The following IFT43 variants were observed in gnomAD, a reference collection of about 807,000 sequenced individuals.
The protein encoded by IFT43 is intraflagellar transport protein 43 homolog.
IFT43 carries 33 observed loss-of-function variants against 32.3 expected under a neutral mutation model. The ratio of observed to expected loss-of-function variants is 1.02; its 90% CI spans 0.77 to 1.37. The LOEUF (loss-of-function observed/expected upper bound fraction) is 1.37, where lower values mean the gene tolerates loss of function less well. Ranked by LOEUF, IFT43 falls within the 40% of genes most tolerant of loss-of-function variation. IFT43 has a pLI of 0.00. For synonymous variants in IFT43, 93 were observed against 98.2 expected, an observed-to-expected ratio of 0.95 and a Z score of 0.31; for missense variants, 274 against 265.9, an observed-to-expected ratio of 1.03 and a Z score of -0.21.
chr14:76,018,437 A>G (rs2036229868), intron 2 of IFT43, among the ~76,000 whole-genome samples: 1 of 152,074 alleles, frequency 6.6e-6, no homozygotes, highest in African/African-American at 2.4e-5. Context: ...TGGTTTTTAA[A>G]AATTTCTTGA....
At chr14:76,008,089 C>T (rs1231509706) in intron 2 of IFT43, among the ~76,000 whole-genome samples, 2 of 152,098 alleles carry the variant, frequency 1.3e-5, no homozygotes, top group Non-Finnish European at 2.9e-5. Context: ...TTGGGAAGTG[C>T]GACACCAGTA....
At chr14:75,996,754 C>T (rs1338878069) in intron 2 of IFT43, among the ~76,000 whole-genome samples, 1 of 152,176 alleles carries the variant, frequency 6.6e-6, no homozygotes, top group Non-Finnish European at 1.5e-5. Flanking sequence ...TAATTGCTGA[C>T]TTATATCATT....
chr14:75,990,366 A>G (rs1282946603), intron 2 of IFT43, among the ~76,000 whole-genome samples: 1 of 152,236 alleles, frequency 6.6e-6, no homozygotes, highest in Admixed American at 6.5e-5. Context: ...AAGGATTGTC[A>G]GTTTGTAACT....
intron 2 of IFT43, among the ~76,000 whole-genome samples, chr14:75,997,094 T>C (rs1276953012): frequency 6.6e-6 from 1 of 152,080 alleles, no homozygotes; most frequent in African/African-American, 2.4e-5. Flanking sequence ...CTGAGAGACT[T>C]GAAGGATGAG....
Position 76,083,441 on chromosome 14 carries a change from G to A in IFT43, c.508-17G>A, listed in dbSNP as rs144601537. On this transcript the variant is annotated splice_polypyrimidine_tract_variant and intron_variant, in intron 8 of 8. Coordinates refer to ENST00000314067, the MANE Select transcript of IFT43 (RefSeq NM_001102564.3). ...AAGGCCTTTCTTTGTCTTACCCAGC[G>A]AAACCCTTCTTGGCAGGATGATGTC... 679 of 1,614,112 alleles carry A rather than the reference G, an allele frequency of 4.2e-4. No homozygotes were observed. The highest frequency in any genetic ancestry group is 5.2e-4 in the Non-Finnish European group (618 of 1,180,036).
chr14:76,073,566 A>C (rs886717798), intron 5 of IFT43, among the ~76,000 whole-genome samples: 1 of 152,116 alleles, frequency 6.6e-6, no homozygotes, highest in Non-Finnish European at 1.5e-5. Flanking sequence ...CTGAACATTC[A>C]GAGATGTCCG....
chr14:76,016,649 A>G (rs966996652), intron 2 of IFT43, among the ~76,000 whole-genome samples: 9 of 152,136 alleles, frequency 5.9e-5, no homozygotes, highest in African/African-American at 2.2e-4. Flanking sequence ...TTTGGGTAGT[A>G]CAGTCATTCT....
At chr14:75,989,679 G>A (rs2035598798) in intron 2 of IFT43, among the ~76,000 whole-genome samples, 1 of 152,086 alleles carries the variant, frequency 6.6e-6, no homozygotes, top group Non-Finnish European at 1.5e-5. Context: ...TACCTATTGT[G>A]AACATATGCC....
intron 3 of IFT43, among the ~76,000 whole-genome samples, chr14:76,049,538 A>T (rs1361111060): frequency 6.6e-6 from 1 of 152,162 alleles, no homozygotes; most frequent in Non-Finnish European, 1.5e-5. Flanking sequence ...TTTTAAAAAA[A>T]ATGTATTAAA....
intron 3 of IFT43, among the ~76,000 whole-genome samples, chr14:76,047,544 C>G (rs919527411): frequency 2.6e-5 from 4 of 152,128 alleles, no homozygotes; most frequent in African/African-American, 9.7e-5. Context: ...AAAGTTGTAG[C>G]AGGTCTGACA....
At chr14:75,997,130 G>A (rs1183189792) in intron 2 of IFT43, among the ~76,000 whole-genome samples, 2 of 152,184 alleles carry the variant, frequency 1.3e-5, no homozygotes, top group African/African-American at 4.8e-5. Flanking sequence ...AGAAGAGGGG[G>A]AAGAATATTC....
chr14:76,034,830 A>G (rs918094754), intron 3 of IFT43, among the ~76,000 whole-genome samples: 3 of 152,236 alleles, frequency 2.0e-5, no homozygotes, highest in Non-Finnish European at 4.4e-5. Flanking sequence ...CCTTGGCGTC[A>G]GAGTCATAGC....
intron 5 of IFT43, among the ~76,000 whole-genome samples, chr14:76,071,591 G>T (rs553789963): frequency 4.0e-4 from 61 of 152,192 alleles, no homozygotes; most frequent in African/African-American, 1.4e-3. Flanking sequence ...GGAAGAGATG[G>T]GCAGCAGCAC....
intron 3 of IFT43, among the ~76,000 whole-genome samples, chr14:76,027,733 A>G (rs2036431070): frequency 6.6e-6 from 1 of 151,418 alleles, no homozygotes. Context: ...AAGATTCATG[A>G]CATTCTCTAC....
intron 2 of IFT43, among the ~76,000 whole-genome samples, chr14:76,014,817 C>T (rs1402993529): frequency 6.6e-6 from 1 of 152,124 alleles, no homozygotes; most frequent in African/African-American, 2.4e-5. Context: ...GGTGGAAGTG[C>T]CCCATGGCTG....
At chr14:76,067,581 A>C (rs945633274) in intron 5 of IFT43, among the ~76,000 whole-genome samples, 1 of 148,122 alleles carries the variant, frequency 6.8e-6, no homozygotes, top group Non-Finnish European at 1.5e-5. Context: ...GACTCTCTCA[A>C]AAAAAAAAAA....
chr14:75,995,638 CAGGCAGT>C (rs1319741877), intron 2 of IFT43, among the ~76,000 whole-genome samples: 2 of 152,168 alleles, frequency 1.3e-5, no homozygotes, highest in Non-Finnish European at 2.9e-5. Flanking sequence ...GTCTGCCAGC[CAGGCAGT>C]TATTTTCAGC....
At chr14:76,062,936 A>AAAAAAAAAAG (rs2037167409) in intron 5 of IFT43, among the ~76,000 whole-genome samples, 1 of 148,804 alleles carries the variant, frequency 6.7e-6, no homozygotes. Flanking sequence ...AAAAAAAAAA[A>AAAAAAAAAAG]AAAAAGAAAA....
intron 2 of IFT43, among the ~76,000 whole-genome samples, chr14:75,997,018 C>CA (rs1322457296): frequency 6.6e-6 from 1 of 152,146 alleles, no homozygotes; most frequent in Admixed American, 6.5e-5. Flanking sequence ...TGAGAGTAAA[C>CA]ACGTTGAGCC....
Sources: allele counts gnomAD v4.1 joint callset (sites outside exome capture counted in the v4.1 genomes callset), GRCh38; gene constraint gnomAD v4.1.1; transcripts MANE v1.5; gene names NCBI Gene and HGNC (gene_info 2026-07-23, HGNC 2026-07-21).